Variants in NXPE4 observed in about 807,000 individuals in gnomAD.
NXPE4 encodes the protein NXPE family member 4.
In NXPE4, 42 loss-of-function variants were observed where a neutral mutation model predicts 33.3. The observed-to-expected ratio is 1.26, with a 90% CI of 0.98 to 1.63. The LOEUF is 1.63. Ranked by LOEUF, NXPE4 falls within the 40% of genes most tolerant of loss-of-function variation. NXPE4 has a pLI of 0.00. For synonymous variants in NXPE4, 253 were observed against 234.9 expected (o/e 1.08, Z -0.71); for missense variants, 709 against 647.6 (o/e 1.09, Z -1.03).
rs767561811 is a variant in NXPE4 at position 114,583,049 on chromosome 11, A to G, written c.97-28T>C. The stretch of plus-strand genomic sequence containing the variant: ...GAAATGACAGCAAATGTGACATGAG[A>G]TGGATAAATTTAGAGCATATCTGAA... On this transcript the variant is annotated intron_variant, in intron 2 of 5. Transcript: ENST00000375478. The G allele has an allele frequency of 5.1e-6, 8 of 1,581,152 alleles. No individual in the cohort carries two copies. The Admixed American group carries it at 8.8e-5, about 17-fold the overall frequency.
the NXPE4 span, among the ~76,000 whole-genome samples, chr11:114,610,339 C>T: frequency 2.6e-5 from 4 of 151,744 alleles, no homozygotes; most frequent in Non-Finnish European, 5.9e-5. Context: ...ATAAGTATGG[C>T]CTCATGAGTA....
intron 5 of NXPE4, among the ~76,000 whole-genome samples, chr11:114,573,803 C>G (rs1344863725): frequency 6.6e-6 from 1 of 151,964 alleles, no homozygotes; most frequent in Non-Finnish European, 1.5e-5. Context: ...GACTGGTCAT[C>G]AAGACAGAAA....
chr11:114,595,605 A>G lies in NXPE4; in HGVS notation c.-24T>C, dbSNP rs1350797635. The stretch of plus-strand genomic sequence containing the variant: ...ATTTTTTCATACCTTTAGTTTACAG[A>G]TTGTTCAATCCCATACATAGACTCT... On this transcript the variant is annotated 5_prime_UTR_variant, in exon 1 of 6. Coordinates refer to ENST00000375478, the MANE Select transcript of NXPE4 (RefSeq NM_001077639.2). 1 of 152,270 alleles carries G rather than the reference A, an allele frequency of 6.6e-6. No individual in the cohort carries two copies. The highest frequency in any genetic ancestry group is 1.5e-5 in the Non-Finnish European group (1 of 68,038). The allele number at this position is 152,270 out of a possible 1,614,324, so 9.4% of individuals were successfully genotyped here.
At chr11:114,621,920 A>T in the NXPE4 span, among the ~76,000 whole-genome samples, 2 of 152,140 alleles carry the variant, frequency 1.3e-5, no homozygotes, top group Non-Finnish European at 2.9e-5. Flanking sequence ...CCTGGTGGAT[A>T]AGTATTGCCT....
chr11:114,588,786 G>T (rs1038242731), intron 2 of NXPE4, among the ~76,000 whole-genome samples: 1 of 152,124 alleles, frequency 6.6e-6, no homozygotes. Context: ...TTATGGAAAG[G>T]CTGAAAGAAG....
At chr11:114,595,812 G>T (rs1412919781), upstream of NXPE4, 1 of 152,268 alleles carries the variant, frequency 6.6e-6, no homozygotes, top group African/African-American at 2.4e-5. Flanking sequence ...TCCACCTTAA[G>T]GAGGGGCCTG....
At chr11:114,626,365 A>G in the NXPE4 span, among the ~76,000 whole-genome samples, 1 of 152,024 alleles carries the variant, frequency 6.6e-6, no homozygotes, top group African/African-American at 2.4e-5. Flanking sequence ...TGGGTCCCTG[A>G]CCCCTGACCC....
chr11:114,620,968 C>T, the NXPE4 span, among the ~76,000 whole-genome samples: 4 of 152,162 alleles, frequency 2.6e-5, no homozygotes, highest in Non-Finnish European at 5.9e-5. Context: ...TAAGTGTTCC[C>T]TCATGGGTAA....
intron 2 of NXPE4, among the ~76,000 whole-genome samples, chr11:114,585,902 C>T (rs993196262): frequency 4.6e-5 from 7 of 152,126 alleles, no homozygotes; most frequent in African/African-American, 1.4e-4. Context: ...CATGGAGGCT[C>T]CATCTTCCCT....
At chr11:114,610,238 T>C in the NXPE4 span, among the ~76,000 whole-genome samples, 1 of 151,422 alleles carries the variant, frequency 6.6e-6, no homozygotes. Context: ...TGCCTCGTGG[T>C]TAACCACTGT....
In NXPE4 at chr11:114,571,365, A is replaced by G. The variant is rs144748730; in HGVS notation, c.1208T>C (p.Ile403Thr). Residue 403 changes from isoleucine (I) to threonine (T), a missense_variant, in exon 6 of 6, where the codon ATA (isoleucine) becomes ACA (threonine). Physicochemically the swap from Ile to Thr is moderately conservative, Grantham distance 89 (BLOSUM62 -1). Coordinates refer to ENST00000375478, the MANE Select transcript of NXPE4 (RefSeq NM_001077639.2). ...IQWQKYCYPL[I>T]GSMTYSVKEM... ...TTTGACTGAATAGGTCATTGATCCTATCAAGGGATAACAATATTTTTGCCA... is the reference window on the plus strand; with the variant it reads ...TTTGACTGAATAGGTCATTGATCCTGTCAAGGGATAACAATATTTTTGCCA... The G allele has an allele frequency of 6.1e-4, 988 of 1,614,026 alleles. 15 individuals carry two copies. The African/African-American group carries it at 0.012, about 20-fold the overall frequency.
intron 2 of NXPE4, among the ~76,000 whole-genome samples, chr11:114,589,319 C>T (rs976390810): frequency 7.9e-5 from 12 of 152,024 alleles, no homozygotes; most frequent in Admixed American, 7.2e-4. Context: ...ACAGGAGGCC[C>T]AGGTAATTCT....
chr11:114,601,824 A>T, the NXPE4 span, among the ~76,000 whole-genome samples: 4 of 70,398 alleles, frequency 5.7e-5, no homozygotes, highest in African/African-American at 2.8e-4. Context: ...ATTATATATA[A>T]TATATAATTA....
At chr11:114,623,374 C>T in the NXPE4 span, among the ~76,000 whole-genome samples, 5 of 152,028 alleles carry the variant, frequency 3.3e-5, no homozygotes, top group East Asian at 1.9e-4. Flanking sequence ...CACTTTTAAA[C>T]GTGGGATAAT....
the NXPE4 span, among the ~76,000 whole-genome samples, chr11:114,627,760 G>A: frequency 6.6e-6 from 1 of 152,112 alleles, no homozygotes; most frequent in African/African-American, 2.4e-5. Context: ...TCAGTGTGCT[G>A]TATTCAGGAA....
In NXPE4 at chr11:114,594,822, GCAAA is replaced by G. The variant is rs1949543631; in HGVS notation, c.-10-57_-10-54del. 4.3e-6 allele frequency: 4 copies of G among 928,784 alleles called. No individual in the cohort carries two copies. The African/African-American group carries it at 6.7e-5, about 16-fold the overall frequency. 57.5% of individuals were successfully genotyped at this position (928,784 alleles called of 1,614,324 possible). A position where few individuals can be genotyped will look rare whatever the true frequency, so the allele number is the denominator to read the frequency against. Reference sequence around the variant, plus strand: ...CAAAAACATACAACAAAACAGAAAAGCAAACAAACATGGGAAACATTTGAAATTT... The same window carrying G: ...CAAAAACATACAACAAAACAGAAAAGCAAACATGGGAAACATTTGAAATTT... On this transcript the variant is annotated intron_variant, in intron 1 of 5. Coordinates refer to ENST00000375478, the MANE Select transcript of NXPE4 (RefSeq NM_001077639.2).
chr11:114,599,237 C>A (rs183372106), upstream of NXPE4, among the ~76,000 whole-genome samples: 6 of 152,206 alleles, frequency 3.9e-5, no homozygotes, highest in East Asian at 1.2e-3. Context: ...TTCACTAAAC[C>A]ATAACAAAAC....
chr11:114,664,866 T>C, the NXPE4 span, among the ~76,000 whole-genome samples: 1 of 152,300 alleles, frequency 6.6e-6, no homozygotes, highest in East Asian at 1.9e-4. Flanking sequence ...CTCTACAGTG[T>C]ACTACTGGAT....
the NXPE4 span, among the ~76,000 whole-genome samples, chr11:114,603,331 T>A: frequency 6.6e-6 from 1 of 151,406 alleles, no homozygotes; most frequent in Admixed American, 6.6e-5. Context: ...TGATAAGTAT[T>A]GCCTCATCTC....
Sources: allele counts gnomAD v4.1 joint callset (sites outside exome capture counted in the v4.1 genomes callset), GRCh38; gene constraint gnomAD v4.1.1; transcripts MANE v1.5; gene names NCBI Gene and HGNC (gene_info 2026-07-23, HGNC 2026-07-21).